RALYL: variants seen among roughly 807,000 people sequenced by gnomAD.
RALYL encodes RNA-binding Raly-like protein.
RALYL carries 29 observed loss-of-function variants against 35.1 expected under a neutral mutation model. The observed-to-expected ratio is 0.83, with a 90% confidence interval of 0.61 to 1.13. The LOEUF is 1.13. Ranked by LOEUF, RALYL falls within the 50% of genes most tolerant of loss-of-function variation. The probability of loss-of-function intolerance (pLI) is 0.00; values close to 1 mark genes in which losing one functional copy is unlikely to be tolerated. For synonymous variants in RALYL, 120 were observed against 127.6 expected, an observed-to-expected ratio of 0.94 and a Z score of 0.40; for missense variants, 359 against 360.4, an observed-to-expected ratio of 1.00 and a Z score of 0.03.
chr8:84,202,449 T>C (rs750306837), intron 1 of RALYL, among the ~76,000 whole-genome samples: 1 of 149,096 alleles, frequency 6.7e-6, no homozygotes, highest in Non-Finnish European at 1.5e-5. Flanking sequence ...CTTGGCTCAC[T>C]GCAACCTCCG....
chr8:84,840,641 G>A (rs570699815), intron 4 of RALYL, among the ~76,000 whole-genome samples: 4 of 152,220 alleles, frequency 2.6e-5, no homozygotes, highest in Non-Finnish European at 5.9e-5. Flanking sequence ...TACTTGAGAA[G>A]AGCAACTCCA....
At chr8:84,753,603 G>C (rs1166490989) in intron 2 of RALYL, among the ~76,000 whole-genome samples, 1 of 152,068 alleles carries the variant, frequency 6.6e-6, no homozygotes, top group Non-Finnish European at 1.5e-5. Flanking sequence ...CCCCTTTGGT[G>C]CTATTCTCAT....
At chr8:84,484,603 G>T (rs182961985) in intron 1 of RALYL, among the ~76,000 whole-genome samples, 13 of 152,056 alleles carry the variant, frequency 8.5e-5, no homozygotes, top group African/African-American at 3.1e-4. Context: ...AACAGAACAC[G>T]TTAAAAGAAA....
intron 1 of RALYL, among the ~76,000 whole-genome samples, chr8:84,216,397 TAA>T (rs10539380): frequency 0.26 from 39,950 of 151,954 alleles, 5,436 homozygotes; most frequent in African/African-American, 0.32. Flanking sequence ...AGGGAAGTTA[TAA>T]GAGACAACCT....
intron 3 of RALYL, among the ~76,000 whole-genome samples, chr8:84,797,459 G>A (rs560887168): frequency 9.2e-5 from 14 of 152,264 alleles, no homozygotes; most frequent in African/African-American, 2.4e-4. Context: ...AGAGTCCCTG[G>A]CACATCGCAA....
At chr8:84,464,369 C>A (rs1189303835) in intron 1 of RALYL, among the ~76,000 whole-genome samples, 4 of 151,456 alleles carry the variant, frequency 2.6e-5, no homozygotes, top group African/African-American at 7.3e-5. Context: ...TCAATTCCCA[C>A]CTATGAGTGA....
chr8:84,409,148 A>T (rs2043852980), intron 1 of RALYL, among the ~76,000 whole-genome samples: 1 of 152,136 alleles, frequency 6.6e-6, no homozygotes, highest in Non-Finnish European at 1.5e-5. Flanking sequence ...AATCTTGCAT[A>T]AACTAATATC....
At chr8:84,215,855 C>T (rs928537403) in intron 1 of RALYL, among the ~76,000 whole-genome samples, 17 of 152,204 alleles carry the variant, frequency 1.1e-4, no homozygotes, top group African/African-American at 2.2e-4. Context: ...GTAATGCGTA[C>T]GCATGGCAAA....
chr8:84,878,635 A>T (rs1841638502), intron 7 of RALYL, among the ~76,000 whole-genome samples: 1 of 152,140 alleles, frequency 6.6e-6, no homozygotes, highest in Middle Eastern at 3.2e-3. Flanking sequence ...CCCTCAGAGA[A>T]ATGAGAAGAT....
At chr8:84,642,718 C>G (rs1826636001) in intron 2 of RALYL, among the ~76,000 whole-genome samples, 1 of 151,878 alleles carries the variant, frequency 6.6e-6, no homozygotes, top group African/African-American at 2.4e-5. Context: ...GGCTGGTGTC[C>G]CTGGATTGAA....
At chr8:84,184,625 T>C (rs1221940374) in intron 1 of RALYL, among the ~76,000 whole-genome samples, 1 of 152,070 alleles carries the variant, frequency 6.6e-6, no homozygotes, top group Non-Finnish European at 1.5e-5. Flanking sequence ...GATCGTTTTC[T>C]AGATGTGCGC....
chr8:84,430,478 A>T (rs1033087924), intron 1 of RALYL, among the ~76,000 whole-genome samples: 2 of 152,156 alleles, frequency 1.3e-5, no homozygotes, highest in Non-Finnish European at 2.9e-5. Context: ...TCACTCACAA[A>T]GTGGCAATGT....
At chr8:84,197,221 C>A (rs535589620) in intron 1 of RALYL, among the ~76,000 whole-genome samples, 11 of 152,226 alleles carry the variant, frequency 7.2e-5, no homozygotes, top group African/African-American at 2.6e-4. Flanking sequence ...TTATCTGTTT[C>A]CTGCATTTTC....
intron 1 of RALYL, among the ~76,000 whole-genome samples, chr8:84,429,133 G>A (rs1336927952): frequency 1.3e-5 from 2 of 152,080 alleles, no homozygotes; most frequent in African/African-American, 2.4e-5. Context: ...GAAGGGGCAC[G>A]AAAAAGCATA....
intron 2 of RALYL, among the ~76,000 whole-genome samples, chr8:84,641,592 T>C (rs1480300739): frequency 2.0e-5 from 3 of 151,862 alleles, no homozygotes; most frequent in African/African-American, 7.2e-5. Flanking sequence ...TACCAGTTGA[T>C]CTAGATTACT....
chr8:84,313,063 C>T (rs1340347244), intron 1 of RALYL, among the ~76,000 whole-genome samples: 1 of 152,222 alleles, frequency 6.6e-6, no homozygotes, highest in Non-Finnish European at 1.5e-5. Flanking sequence ...GTCTTCTGCA[C>T]ACCTGCAGTC....
At chr8:84,425,397 C>G (rs1162689889) in intron 1 of RALYL, among the ~76,000 whole-genome samples, 1 of 151,968 alleles carries the variant, frequency 6.6e-6, no homozygotes, top group Non-Finnish European at 1.5e-5. Context: ...AATGCCTCGC[C>G]CTGCTTCGGC....
intron 1 of RALYL, among the ~76,000 whole-genome samples, chr8:84,297,355 C>A (rs1238942881): frequency 1.3e-5 from 2 of 152,002 alleles, no homozygotes; most frequent in African/African-American, 2.4e-5. Context: ...TGGCCTCCAC[C>A]TCCATCCATG....
intron 1 of RALYL, among the ~76,000 whole-genome samples, chr8:84,340,008 A>T (rs1563758264): frequency 6.6e-6 from 1 of 152,066 alleles, no homozygotes; most frequent in Non-Finnish European, 1.5e-5. Flanking sequence ...TGTTCCCGTG[A>T]TAGTGAATAA....
Sources: allele counts gnomAD v4.1 joint callset (sites outside exome capture counted in the v4.1 genomes callset), GRCh38; gene constraint gnomAD v4.1.1; transcripts MANE v1.5; gene names NCBI Gene and HGNC (gene_info 2026-07-23, HGNC 2026-07-21).